Variants in DISP1 observed in about 807,000 individuals in gnomAD.
DISP1 encodes dispatched RND transporter family member 1.
A neutral mutation model predicts 37.3 loss-of-function variants in DISP1; 30 were observed. The ratio of observed to expected loss-of-function variants is 0.80; its 90% confidence interval spans 0.60 to 1.09. The LOEUF (loss-of-function observed/expected upper bound fraction) is 1.09. Ranked by LOEUF, DISP1 falls within the 50% of genes least tolerant of loss-of-function variation. The pLI is 0.00. For missense variants in DISP1, 1,598 were observed against 1,879.5 expected (o/e 0.85, Z 2.77); for synonymous variants, 634 against 690.2 (o/e 0.92, Z 1.28).
chr1:222,869,005 T>A (rs1296804250), intron 1 of DISP1, among the ~76,000 whole-genome samples: 1 of 152,180 alleles, frequency 6.6e-6, no homozygotes. Flanking sequence ...GAAATTCTCA[T>A]AATGCCTTTG....
chr1:223,001,688 A>G (rs1013033822), intron 8 of DISP1, among the ~76,000 whole-genome samples: 3 of 152,206 alleles, frequency 2.0e-5, no homozygotes, highest in African/African-American at 4.8e-5. Flanking sequence ...GGGGCATTCT[A>G]CGTGTCCTCA....
chr1:222,943,730 G>A (rs1674552694), intron 3 of DISP1, among the ~76,000 whole-genome samples: 1 of 152,110 alleles, frequency 6.6e-6, no homozygotes, highest in Non-Finnish European at 1.5e-5. Context: ...TGAAAAAGAA[G>A]TAAAAAACCC....
At chr1:222,910,304 A>G (rs142290392) in intron 1 of DISP1, among the ~76,000 whole-genome samples, 2,222 of 152,294 alleles carry the variant, frequency 0.015, 33 homozygotes, top group Middle Eastern at 0.048. Context: ...TCGAGGCTAC[A>G]GTAAGCCATG....
chr1:222,929,423 C>T (rs144290919), intron 2 of DISP1, among the ~76,000 whole-genome samples: 25 of 152,158 alleles, frequency 1.6e-4, no homozygotes, highest in African/African-American at 5.5e-4. Context: ...ATTTCATGCA[C>T]ATCACTGACC....
chr1:222,979,367 A>C (rs1327039882), intron 3 of DISP1, among the ~76,000 whole-genome samples: 1 of 152,114 alleles, frequency 6.6e-6, no homozygotes, highest in Non-Finnish European at 1.5e-5. Flanking sequence ...GAGCTGGCCC[A>C]CTGCACTCCA....
chr1:222,818,804 G>A (rs193191724), intron 1 of DISP1, among the ~76,000 whole-genome samples: 291 of 152,322 alleles, frequency 1.9e-3, no homozygotes, highest in African/African-American at 6.4e-3. Flanking sequence ...TATGTTTATA[G>A]CAACACCTAA....
rs566492911 is a variant in DISP1, at chr1:222,882,486, G to A, written c.-158-45944G>A. Among the ~76,000 whole-genome samples, 7 of 152,182 alleles carry A rather than the reference G, an allele frequency of 4.6e-5. No homozygotes were observed. The South Asian group carries it at 1.5e-3, about 32-fold the overall frequency. On this transcript the variant is annotated intron_variant, in intron 1 of 8. Transcript: ENST00000675850. ...GGAGAAGGAAATTAAAGTTTGGTGG[G>A]TTCTTCTCTTCTCTGCGTTAGATTT...
intron 1 of DISP1, among the ~76,000 whole-genome samples, chr1:222,855,678 T>C (rs949632255): frequency 1.3e-5 from 2 of 152,342 alleles, no homozygotes; most frequent in Non-Finnish European, 1.5e-5. Context: ...AATTTGGGAA[T>C]TGACTAGCTT....
intron 1 of DISP1, among the ~76,000 whole-genome samples, chr1:222,874,612 G>T (rs1375287093): frequency 1.3e-5 from 2 of 151,994 alleles, no homozygotes; most frequent in African/African-American, 2.4e-5. Flanking sequence ...AGCTCCATCA[G>T]GTCCTTTAAG....
intron 1 of DISP1, among the ~76,000 whole-genome samples, chr1:222,871,428 G>A (rs924128406): frequency 1.3e-5 from 2 of 152,112 alleles, no homozygotes; most frequent in African/African-American, 4.8e-5. Context: ...CATGAGCATG[G>A]AATGTTCTTC....
At chr1:222,932,925 G>C (rs1376593254) in intron 2 of DISP1, among the ~76,000 whole-genome samples, 2 of 151,886 alleles carry the variant, frequency 1.3e-5, no homozygotes, top group Non-Finnish European at 2.9e-5. Context: ...ACCTGAGATT[G>C]AAAGAGATAA....
intron 1 of DISP1, among the ~76,000 whole-genome samples, chr1:222,873,354 A>G (rs1031614654): frequency 2.4e-4 from 37 of 152,068 alleles, no homozygotes; most frequent in Non-Finnish European, 3.2e-4. Flanking sequence ...TTGTTGATCT[A>G]TCTAATGTTG....
Position 222,889,269 on chromosome 1 carries a change from T to C in DISP1, c.-158-39161T>C, listed in dbSNP as rs777636868. Reference sequence around the variant, plus strand: ...TCTAAGTAGGCTAGTATTAAATAAATTGATGTTTAATCCTTTGAAAGCCAG... The same window carrying C: ...TCTAAGTAGGCTAGTATTAAATAAACTGATGTTTAATCCTTTGAAAGCCAG... On this transcript the variant is annotated intron_variant, in intron 1 of 8. Coordinates refer to ENST00000675850, the MANE Select transcript of DISP1 (RefSeq NM_001377229.1). Among the ~76,000 whole-genome samples the C allele has an allele frequency of 3.3e-5, 5 of 152,108 alleles. No homozygotes were observed. The East Asian group carries it at 7.7e-4, about 23-fold the overall frequency.
At chr1:222,997,182 A>G (rs1679137380) in intron 8 of DISP1, among the ~76,000 whole-genome samples, 1 of 152,136 alleles carries the variant, frequency 6.6e-6, no homozygotes, top group Non-Finnish European at 1.5e-5. Flanking sequence ...TGAATGAAAT[A>G]CATGAAGGGA....
At chr1:222,963,732 T>TG (rs891118149) in intron 3 of DISP1, among the ~76,000 whole-genome samples, 2 of 148,142 alleles carry the variant, frequency 1.4e-5, no homozygotes, top group African/African-American at 2.5e-5. Context: ...ACATGGACAC[T>TG]GGGGGGGAAC....
rs1357506062 is a variant in DISP1 at position 223,004,589 on chromosome 1, A to C, written c.3192A>C (p.Pro1064=). 1.2e-6 allele frequency: 2 copies of C among 1,613,996 alleles called. No individual in the cohort carries two copies. Among genetic ancestry groups the C allele is most frequent in the African/African-American group, 2.7e-5 (2 of 74,914 alleles). Residue 1064 remains proline (P), a synonymous_variant, in exon 9 of 9, where the codon CCA becomes CCC. Coordinates refer to ENST00000675850, the MANE Select transcript of DISP1 (RefSeq NM_001377229.1). This position sits in a 1 kb window ranked among gnomAD's most constrained non-coding sequence, Gnocchi z 4.9. ...VHYGVAYRLA[P]DPDREGKVIF... Reference sequence around the variant, plus strand: ...ATGGGGTTGCCTACCGCTTGGCTCCAGATCCCGACCGAGAAGGCAAAGTGA... The same window carrying C: ...ATGGGGTTGCCTACCGCTTGGCTCCCGATCCCGACCGAGAAGGCAAAGTGA...
Position 223,005,531 on chromosome 1 carries a change from G to T in DISP1, c.4134G>T (p.Gln1378His). ...KIGKTNVHSL[Q>H]RSIEEHLPKM... ...GCAAGACCAATGTACACAGTCTTCA[G>T]AGGAGCATAGAAGAGCATCTTCCAA... is the stretch of plus-strand genomic sequence containing the variant. The change falls in exon 9 of 9, where the codon CAG becomes CAT. Residue 1378 changes from glutamine to histidine, a missense_variant. Transcript: ENST00000675850. 6.2e-7 allele frequency: 1 copy of T among 1,614,166 alleles called. No homozygotes were observed. Among genetic ancestry groups the T allele is most frequent in the Non-Finnish European group, 8.5e-7 (1 of 1,180,042 alleles).
chr1:222,930,355 A>G (rs1381571137), intron 2 of DISP1, among the ~76,000 whole-genome samples: 1 of 152,128 alleles, frequency 6.6e-6, no homozygotes, highest in Non-Finnish European at 1.5e-5. Context: ...AGGAAGCAAA[A>G]CTGAGTTGTT....
At chr1:222,849,705 C>T (rs961427035) in intron 1 of DISP1, among the ~76,000 whole-genome samples, 1 of 152,028 alleles carries the variant, frequency 6.6e-6, no homozygotes, top group African/African-American at 2.4e-5. Context: ...TTCTAATGTA[C>T]ATGAAGTATT....
Sources: allele counts gnomAD v4.1 joint callset (sites outside exome capture counted in the v4.1 genomes callset), GRCh38; gene constraint gnomAD v4.1.1; non-coding constraint Gnocchi (gnomAD v3.1); transcripts MANE v1.5; gene names NCBI Gene and HGNC (gene_info 2026-07-23, HGNC 2026-07-21).